The following CACNA2D3 variants were observed in gnomAD, a reference collection of about 807,000 sequenced individuals.
The protein encoded by CACNA2D3 is voltage-dependent calcium channel subunit alpha-2/delta-3.
Under a neutral mutation model 160.6 loss-of-function variants are expected in CACNA2D3, and 60 were observed. The observed-to-expected ratio is 0.37, with a 90% CI of 0.30 to 0.46. The LOEUF (loss-of-function observed/expected upper bound fraction) is 0.46. Among genes scored for constraint, CACNA2D3 ranks in the 20% least tolerant of loss-of-function variants. The pLI, the probability that CACNA2D3 is intolerant of heterozygous loss-of-function variation, is 1.00. For missense variants in CACNA2D3, 1,205 were observed against 1,365.0 expected (o/e 0.88, Z 1.85); for synonymous variants, 558 against 492.9 (o/e 1.13, Z -1.75).
intron 34 of CACNA2D3, among the ~76,000 whole-genome samples, chr3:55,015,897 G>A (rs1703317222): frequency 6.6e-6 from 1 of 152,178 alleles, no homozygotes. Flanking sequence ...TTCCCACCAC[G>A]TGCCTCTTCT....
intron 3 of CACNA2D3, among the ~76,000 whole-genome samples, chr3:54,348,945 C>T (rs1698503965): frequency 6.6e-6 from 1 of 152,120 alleles, no homozygotes. Context: ...CCAGGCTGGT[C>T]TTGAACTCCT....
At chr3:54,600,985 C>T (rs117655269) in intron 9 of CACNA2D3, among the ~76,000 whole-genome samples, 338 of 152,104 alleles carry the variant, frequency 2.2e-3, no homozygotes, top group East Asian at 0.012. Context: ...GATCATGTGC[C>T]CAAAGTCTTG....
intron 14 of CACNA2D3, among the ~76,000 whole-genome samples, chr3:54,832,921 G>A (rs1295173553): frequency 6.6e-6 from 1 of 152,188 alleles, no homozygotes; most frequent in Non-Finnish European, 1.5e-5. Context: ...CAAGTCCTGT[G>A]TTGTTATACT....
At chr3:55,011,784 C>T (rs1703216542) in intron 34 of CACNA2D3, among the ~76,000 whole-genome samples, 1 of 152,080 alleles carries the variant, frequency 6.6e-6, no homozygotes, top group Admixed American at 6.6e-5. Flanking sequence ...CCTGTAGTGT[C>T]AACTTGCTTT....
At chr3:54,851,797 A>T (rs75888547) in intron 17 of CACNA2D3, among the ~76,000 whole-genome samples, 1,952 of 152,370 alleles carry the variant, frequency 0.013, 45 homozygotes, top group African/African-American at 0.044. Flanking sequence ...TCAGTGTTTC[A>T]ATATATAATC....
In CACNA2D3 at chr3:54,448,067, C is replaced by T. The variant is rs541169039; in HGVS notation, c.382-55425C>T. On this transcript the variant is annotated intron_variant, in intron 4 of 37. Coordinates refer to ENST00000474759, the MANE Select transcript of CACNA2D3 (RefSeq NM_018398.3). Reference sequence around the variant, plus strand: ...GTAAGGATGAATCCAGGGGCTCAGACGACACCAGAATCCTACTTTTCTGCA... The same window carrying T: ...GTAAGGATGAATCCAGGGGCTCAGATGACACCAGAATCCTACTTTTCTGCA... Among the ~76,000 whole-genome samples, 9 of 152,274 alleles carry T rather than the reference C, an allele frequency of 5.9e-5. No homozygotes were observed. In the East Asian group the frequency reaches 7.7e-4, roughly 13 times the overall value.
At chr3:54,698,142 A>G (rs1468582267) in intron 11 of CACNA2D3, among the ~76,000 whole-genome samples, 1 of 140,232 alleles carries the variant, frequency 7.1e-6, no homozygotes, top group East Asian at 1.9e-4. Context: ...ACAATTGACT[A>G]CTATGGGTGC....
chr3:54,447,813 T>C (rs1161270176), intron 4 of CACNA2D3, among the ~76,000 whole-genome samples: 1 of 152,244 alleles, frequency 6.6e-6, no homozygotes, highest in African/African-American at 2.4e-5. Flanking sequence ...TGGGCTCTTT[T>C]AGATGACATT....
chr3:54,821,645 T>TTTCG (rs1559594844), intron 14 of CACNA2D3, among the ~76,000 whole-genome samples: 4 of 31,544 alleles, frequency 1.3e-4, no homozygotes, highest in East Asian at 1.3e-3. Flanking sequence ...TCTTTCGTTC[T>TTTCG]TTCTTTCTTT....
chr3:54,799,819 C>T (rs1702944760), intron 13 of CACNA2D3, among the ~76,000 whole-genome samples: 1 of 152,088 alleles, frequency 6.6e-6, no homozygotes, highest in Non-Finnish European at 1.5e-5. Flanking sequence ...CATGTCTGTC[C>T]CAGGTGGCTG....
Position 54,838,634 on chromosome 3 carries a change from A to G in CACNA2D3, c.1537A>G (p.Ile513Val). ...DVPVKELLKT[I>V]PKYKLGIHGY... ...CCCAGTGAAAGAACTTCTGAAGACC[A>G]TCCCCAAATACAAGGTAATGAATGA... is the stretch of plus-strand genomic sequence containing the variant. The change falls in exon 16 of 38, where the codon ATC (isoleucine) becomes GTC (valine). Residue 513 changes from isoleucine (I) to valine (V), a missense_variant. Ile to Val is a conservative substitution (Grantham distance 29). Coordinates refer to ENST00000474759, the MANE Select transcript of CACNA2D3 (RefSeq NM_018398.3). 1 of 1,611,464 alleles carries G rather than the reference A, an allele frequency of 6.2e-7. No individual in the cohort carries two copies. Among genetic ancestry groups the G allele is most frequent in the Non-Finnish European group, 8.5e-7 (1 of 1,177,564 alleles).
At chr3:54,185,025 G>T in intron 2 of CACNA2D3, among the ~76,000 whole-genome samples, 1 of 152,200 alleles carries the variant, frequency 6.6e-6, no homozygotes, top group Non-Finnish European at 1.5e-5. Context: ...CCTTAGAAGT[G>T]GGAGGGGTTT....
chr3:55,069,160 T>G (rs1365731088), intron 35 of CACNA2D3, among the ~76,000 whole-genome samples: 1 of 152,194 alleles, frequency 6.6e-6, no homozygotes, highest in Non-Finnish European at 1.5e-5. Context: ...CGAGTTTCGA[T>G]GCTGGATATG....
At chr3:54,663,618 A>G (rs1331760427) in intron 11 of CACNA2D3, among the ~76,000 whole-genome samples, 4 of 152,242 alleles carry the variant, frequency 2.6e-5, no homozygotes, top group Admixed American at 2.6e-4. Flanking sequence ...AACTAAATGC[A>G]TTTATGATTT....
At chr3:54,937,864 A>G (rs1260292256) in intron 27 of CACNA2D3, among the ~76,000 whole-genome samples, 1 of 152,158 alleles carries the variant, frequency 6.6e-6, no homozygotes, top group Non-Finnish European at 1.5e-5. Context: ...TTGGGCAAGC[A>G]GGTGCTGGAG....
chr3:54,751,153 TC>T, intron 11 of CACNA2D3, among the ~76,000 whole-genome samples: 1 of 152,094 alleles, frequency 6.6e-6, no homozygotes, highest in Admixed American at 6.5e-5. Flanking sequence ...GTATCCTCAC[TC>T]CCAAATGTGA....
At chr3:54,902,887 A>G (rs1181783016) in intron 27 of CACNA2D3, among the ~76,000 whole-genome samples, 1 of 152,242 alleles carries the variant, frequency 6.6e-6, no homozygotes, top group Non-Finnish European at 1.5e-5. Flanking sequence ...AGAGTTTAGC[A>G]TAACCCGTTT....
At chr3:54,743,201 T>C (rs917803658) in intron 11 of CACNA2D3, among the ~76,000 whole-genome samples, 2 of 152,338 alleles carry the variant, frequency 1.3e-5, no homozygotes, top group South Asian at 2.1e-4. Flanking sequence ...GGTGCCTCCT[T>C]CTGCTCTCAC....
Position 54,569,872 on chromosome 3 carries a change from C to A in CACNA2D3, c.737+17C>A. The A allele has an allele frequency of 1.2e-6, 2 of 1,610,508 alleles. No individual in the cohort carries two copies. Among genetic ancestry groups the A allele is most frequent in the Non-Finnish European group, 8.5e-7 (1 of 1,177,792 alleles). ...CCGAAAATGGTAGGCAGTGGTCAGA[C>A]CTCTTTGTTATTTCTCAAAGAGATA... On this transcript the variant is annotated intron_variant, in intron 7 of 37. Transcript: ENST00000474759.
Sources: allele counts gnomAD v4.1 joint callset (sites outside exome capture counted in the v4.1 genomes callset), GRCh38; gene constraint gnomAD v4.1.1; transcripts MANE v1.5; gene names NCBI Gene and HGNC (gene_info 2026-07-23, HGNC 2026-07-21).